The following PCDHGA9 variants were observed in gnomAD, a reference collection of about 807,000 sequenced individuals.
PCDHGA9 encodes protocadherin gamma-A9.
In PCDHGA9, 37 loss-of-function variants were observed where a neutral mutation model predicts 62.5. That is an observed-to-expected ratio of 0.59 (90% CI 0.46 to 0.78). The LOEUF is 0.78. PCDHGA9 is among the 30% of genes least tolerant of loss of function. The pLI is 0.00. For missense variants in PCDHGA9, 1,138 were observed against 1,166.2 expected (o/e 0.98, Z 0.35); for synonymous variants, 459 against 484.6 (o/e 0.95, Z 0.69).
At chr5:141,413,344 G>A in intron 1 of PCDHGA9, 1 of 1,613,986 alleles carries the variant, frequency 6.2e-7, no homozygotes. Context: ...CAAGGACTTG[G>A]GTCTGGCGCC....
chr5:141,431,420 G>A lies in PCDHGA9; in HGVS notation c.2424+26044G>A, dbSNP rs780266425. ...TACGGCCTCCGACGGGGGCGACCCG[G>A]TGCGCACAGGCACCGCGCGCATCCG... On this transcript the variant is annotated intron_variant, in intron 1 of 3. Coordinates refer to ENST00000573521, the MANE Select transcript of PCDHGA9 (RefSeq NM_018921.3). The surrounding 1 kb of genome is among the most constrained non-coding windows in gnomAD (Gnocchi z 4.8). 5 of 1,613,592 alleles carry A rather than the reference G, an allele frequency of 3.1e-6. No homozygotes were observed. The highest frequency in any genetic ancestry group is 3.4e-6 in the Non-Finnish European group (4 of 1,180,050).
In PCDHGA9 at chr5:141,423,241, G is replaced by T. The variant is rs1485226833; in HGVS notation, c.2424+17865G>T. The T allele has an allele frequency of 6.8e-6, 11 of 1,613,836 alleles. No individual in the cohort carries two copies. The Admixed American group carries it at 1.5e-4, about 22-fold the overall frequency. On this transcript the variant is annotated intron_variant, in intron 1 of 3. Transcript: ENST00000573521. ...GGCTGTGGCCGACAGCATCCCCGAAGTCCTGGCGGACCTCGGCAGCCTCGA... is the reference window on the plus strand; with the variant it reads ...GGCTGTGGCCGACAGCATCCCCGAATTCCTGGCGGACCTCGGCAGCCTCGA...
At chr5:141,481,812 C>T (rs2099545604) in intron 1 of PCDHGA9, among the ~76,000 whole-genome samples, 2 of 149,798 alleles carry the variant, frequency 1.3e-5, no homozygotes, top group South Asian at 2.1e-4. Context: ...ATTCACCAGG[C>T]GTGGTGGCTG....
chr5:141,465,312 A>G (rs2099100692), intron 1 of PCDHGA9, among the ~76,000 whole-genome samples: 1 of 152,314 alleles, frequency 6.6e-6, no homozygotes, highest in South Asian at 2.1e-4. Flanking sequence ...GAATTTAGCC[A>G]TGTCAATGCA....
intron 1 of PCDHGA9, among the ~76,000 whole-genome samples, chr5:141,474,082 C>CA (rs1449032579): frequency 1.3e-5 from 2 of 152,064 alleles, no homozygotes; most frequent in African/African-American, 4.8e-5. Context: ...AAACAAAAAC[C>CA]AAAAAACAAA....
intron 1 of PCDHGA9, chr5:141,441,629 G>T: frequency 4.5e-6 from 1 of 224,156 alleles, no homozygotes; most frequent in Non-Finnish European, 9.0e-6. Flanking sequence ...GTGACCTGGA[G>T]CCACAGGCGC....
chr5:141,498,848 G>A (rs930895553), intron 2 of PCDHGA9, among the ~76,000 whole-genome samples: 3 of 151,908 alleles, frequency 2.0e-5, no homozygotes, highest in Non-Finnish European at 4.4e-5. Context: ...CAGGGGAATC[G>A]CTTGAACCCA....
At position 141,489,585 on chromosome 5, in the gene PCDHGA9, G is replaced by A; in HGVS notation, c.2425-5222G>A. 3 of 1,614,090 alleles carry A rather than the reference G, an allele frequency of 1.9e-6. No individual in the cohort carries two copies. Among genetic ancestry groups the A allele is most frequent in the Non-Finnish European group, 2.5e-6 (3 of 1,180,004 alleles). The stretch of plus-strand genomic sequence containing the variant: ...AGGTGGTGACTGAACACCCCCTGGA[G>A]CTAATCCGTGTAGAGGTAGAGATCC... On this transcript the variant is annotated intron_variant, in intron 1 of 3. Coordinates refer to ENST00000573521, the MANE Select transcript of PCDHGA9 (RefSeq NM_018921.3). The surrounding 1 kb of genome is among the most constrained non-coding windows in gnomAD (Gnocchi z 4.5).
Position 141,405,227 on chromosome 5 carries a change from C to A in PCDHGA9, c.2275C>A (p.Leu759Ile), listed in dbSNP as rs562247940. 1 of 1,614,114 alleles carries A rather than the reference C, an allele frequency of 6.2e-7. No individual in the cohort carries two copies. Residue 759 changes from leucine (L) to isoleucine (I), a missense_variant, in exon 1 of 4, where the codon CTC (leucine) becomes ATC (isoleucine). By Grantham distance (5) the Leu-to-Ile change is conservative. Coordinates refer to ENST00000573521, the MANE Select transcript of PCDHGA9 (RefSeq NM_018921.3). Reference sequence around the variant, plus strand: ...ACAGACCTATTCTCAGGAGTTCTCCCTCACCGCTGACTCAAGGAAGAGTCA... The same window carrying A: ...ACAGACCTATTCTCAGGAGTTCTCCATCACCGCTGACTCAAGGAAGAGTCA... The part of the protein sequence containing the change: ...FLQTYSQEFS[L>I]TADSRKSHLI...
intron 1 of PCDHGA9, chr5:141,478,565 T>C (rs772519746): frequency 1.6e-5 from 25 of 1,593,862 alleles, no homozygotes; most frequent in Non-Finnish European, 2.0e-5. Flanking sequence ...TAGCAAGTCA[T>C]GCTTGACCCT....
intron 1 of PCDHGA9, among the ~76,000 whole-genome samples, chr5:141,471,928 G>A (rs1328213264): frequency 6.6e-6 from 1 of 152,152 alleles, no homozygotes; most frequent in African/African-American, 2.4e-5. Context: ...TTTTGGGGGT[G>A]ATGAGAGTTT....
intron 1 of PCDHGA9, chr5:141,410,447 C>G (rs760711107): frequency 1.2e-6 from 2 of 1,613,984 alleles, no homozygotes; most frequent in Non-Finnish European, 1.7e-6. Context: ...GGGGACTTTG[C>G]CTTATTCTTA....
At chr5:141,421,300 C>A (rs377161386) in intron 1 of PCDHGA9, 2 of 1,613,320 alleles carry the variant, frequency 1.2e-6, no homozygotes, top group African/African-American at 1.3e-5. Context: ...GGGGACGCTG[C>A]GGGGGTTCCG....
chr5:141,410,206 G>T (rs774541712), intron 1 of PCDHGA9: 2 of 1,614,026 alleles, frequency 1.2e-6, no homozygotes, highest in South Asian at 1.1e-5. Context: ...CAGACAACTT[G>T]CAAGAGATAC....
At chr5:141,451,762 T>C (rs2154563695) in intron 1 of PCDHGA9, among the ~76,000 whole-genome samples, 1 of 152,100 alleles carries the variant, frequency 6.6e-6, no homozygotes, top group African/African-American at 2.4e-5. Flanking sequence ...ATGCCTATAG[T>C]CCCAGCTACT....
At chr5:141,408,557 G>A in intron 1 of PCDHGA9, 6 of 1,614,046 alleles carry the variant, frequency 3.7e-6, no homozygotes, top group Non-Finnish European at 5.1e-6. Flanking sequence ...TATTTTTCAT[G>A]TCATTGTGGT....
intron 1 of PCDHGA9, chr5:141,419,779 GC>G: frequency 1.2e-6 from 2 of 1,614,064 alleles, no homozygotes; most frequent in African/African-American, 2.7e-5. Context: ...CGGTCCGCCA[GC>G]GCCTGCTAGT....
In PCDHGA9 at chr5:141,414,837, G is replaced by C. The variant is rs776651290; in HGVS notation, c.2424+9461G>C. On this transcript the variant is annotated intron_variant, in intron 1 of 3. Coordinates refer to ENST00000573521, the MANE Select transcript of PCDHGA9 (RefSeq NM_018921.3). ...TCAGCAGCAACGTGTCGTTGAGCCT[G>C]TTTGTGCTGGACCAGAACGACAATG... The C allele has an allele frequency of 2.4e-5, 38 of 1,614,232 alleles. No homozygotes were observed. In the Admixed American group the frequency reaches 5.8e-4, roughly 25 times the overall value.
At chr5:141,472,980 C>CAAAAAAAAAAAA (rs60579131) in intron 1 of PCDHGA9, among the ~76,000 whole-genome samples, 2 of 86,098 alleles carry the variant, frequency 2.3e-5, no homozygotes, top group African/African-American at 3.9e-5. Context: ...GAGTGAAACT[C>CAAAAAAAAAAAA]AAAAAAAAAA....
Sources: gnomAD v4.1 joint callset for allele counts (sites outside exome capture counted in the v4.1 genomes callset) on GRCh38, gnomAD v4.1.1 for gene constraint, Gnocchi (gnomAD v3.1) non-coding constraint, MANE v1.5 for transcripts, NCBI Gene and HGNC (gene_info 2026-07-23, HGNC 2026-07-21) for gene names.